The following HHIPL2 variants were observed in gnomAD, a reference collection of about 807,000 sequenced individuals.
HHIPL2 encodes HHIP-like protein 2.
HHIPL2 carries 61 observed loss-of-function variants against 61.0 expected under a neutral mutation model. The ratio of observed to expected loss-of-function variants is 1.00; its 90% CI spans 0.81 to 1.24. The LOEUF is 1.24. Among genes scored for constraint, HHIPL2 ranks in the 50% most tolerant of loss-of-function variants. HHIPL2 has a pLI of 0.00. For synonymous variants in HHIPL2, 343 were observed against 357.4 expected (o/e 0.96, Z 0.45); for missense variants, 885 against 910.2 (o/e 0.97, Z 0.36).
intron 8 of HHIPL2, among the ~76,000 whole-genome samples, chr1:222,523,347 A>G (rs981922178): frequency 3.3e-5 from 5 of 152,238 alleles, no homozygotes; most frequent in Non-Finnish European, 7.3e-5. Flanking sequence ...TATGAAATGA[A>G]TGATGCCAAA....
chr1:222,544,191 T>C lies in HHIPL2; in HGVS notation c.322-2A>G, dbSNP rs1049335493. ...GTGGGCTGCGTAGGGCGAGCACTCC[T>C]AAAAAAGAACGCGGAGCTCAGGCTC... On this transcript the variant is annotated splice_acceptor_variant, in intron 1 of 8. Transcript: ENST00000343410. LOFTEE classifies it high-confidence loss of function. 2 of 1,606,672 alleles carry C rather than the reference T, an allele frequency of 1.2e-6. No individual in the cohort carries two copies. Among genetic ancestry groups the C allele is most frequent in the South Asian group, 1.1e-5 (1 of 90,958 alleles).
chr1:222,542,114 C>A lies in HHIPL2; in HGVS notation c.1016G>T (p.Gly339Val). ...ATCCAGGCCAAAAAGAAGTTGTCCGCCATTATGGTTTGAGGCTGGTTCTTC... is the reference window on the plus strand; with the variant it reads ...ATCCAGGCCAAAAAGAAGTTGTCCGACATTATGGTTTGAGGCTGGTTCTTC... ...EIEEPASNHN[G>V]GQLLFGLDGY... Residue 339 changes from glycine to valine, a missense_variant, in exon 3 of 9, where the codon GGC (glycine) becomes GTC (valine). Coordinates refer to ENST00000343410, the MANE Select transcript of HHIPL2 (RefSeq NM_024746.4). 6.2e-7 allele frequency: 1 copy of A among 1,613,956 alleles called. No individual in the cohort carries two copies. Among genetic ancestry groups the A allele is most frequent in the Non-Finnish European group, 8.5e-7 (1 of 1,179,994 alleles).
At chr1:222,529,938 A>T (rs1659152973) in intron 6 of HHIPL2, among the ~76,000 whole-genome samples, 1 of 152,246 alleles carries the variant, frequency 6.6e-6, no homozygotes, top group African/African-American at 2.4e-5. Flanking sequence ...CTCAGATCTA[A>T]AAATGCCTCT....
chr1:222,532,615 C>CAAAA (rs34544375), intron 5 of HHIPL2, among the ~76,000 whole-genome samples: 12 of 137,770 alleles, frequency 8.7e-5, no homozygotes, highest in African/African-American at 2.1e-4. Flanking sequence ...GACTTTGTCT[C>CAAAA]AAAAAAAAAA....
intron 5 of HHIPL2, among the ~76,000 whole-genome samples, chr1:222,534,049 A>G (rs1483168367): frequency 1.3e-5 from 2 of 152,254 alleles, no homozygotes; most frequent in Non-Finnish European, 2.9e-5. Flanking sequence ...TAGCATAAGT[A>G]CCACAGGGTA....
In HHIPL2 at chr1:222,544,153, C is replaced by T. The variant is rs903799033; in HGVS notation, c.358G>A (p.Glu120Lys). 24 of 1,613,376 alleles carry T rather than the reference C, an allele frequency of 1.5e-5. No individual in the cohort carries two copies. Among genetic ancestry groups the T allele is most frequent in the Non-Finnish European group, 1.9e-5 (22 of 1,180,026 alleles). Residue 120 changes from glutamate to lysine, a missense_variant, in exon 2 of 9, where the codon GAA becomes AAA. Glu to Lys is a moderately conservative substitution (Grantham distance 56). Transcript: ENST00000343410. Reference protein sequence around the residue: ...SPYAAHLYDAENTQTPLRNLP... With the variant: ...SPYAAHLYDAKNTQTPLRNLP... ...TTCCGGAGAGGCGTCTGGGTGTTTT[C>T]GGCGTCGTAGAGGTGGGCTGCGTAG...
chr1:222,527,245 A>AC (rs1447148965), intron 6 of HHIPL2, among the ~76,000 whole-genome samples, 195 bp from the exon 7 acceptor site: 4 of 151,960 alleles, frequency 2.6e-5, no homozygotes, highest in Non-Finnish European at 4.4e-5. Context: ...CCATCTTTGA[A>AC]CCCCCCAAAG....
At chr1:222,530,736 A>AT (rs1659169576) in intron 6 of HHIPL2, among the ~76,000 whole-genome samples, 2 of 130,914 alleles carry the variant, frequency 1.5e-5, no homozygotes, top group Admixed American at 1.6e-4. Flanking sequence ...TTTTTTTTAA[A>AT]TTTTTTCTTT....
chr1:222,544,260 AAGC>A, intron 1 of HHIPL2, 71 bp from the exon 2 acceptor site: 1 of 1,494,714 alleles, frequency 6.7e-7, no homozygotes. Context: ...AGTTTTGAGC[AAGC>A]AGAAAGAAAA....
chr1:222,522,836 G>C lies in HHIPL2; in HGVS notation c.1940C>G (p.Ser647Cys). 6.2e-7 allele frequency: 1 copy of C among 1,614,204 alleles called. No homozygotes were observed. The highest frequency in any genetic ancestry group is 8.5e-7 in the Non-Finnish European group (1 of 1,180,032). ...GCCAGAAGCTAAGGTTGCACTGGAA[G>C]ATTTTCTAGCAGCTTTCTCTGATTG... Reference protein sequence around the residue: ...KEQSEKAARKSSSATLASGPA... With the variant: ...KEQSEKAARKCSSATLASGPA... Residue 647 changes from serine (S) to cysteine (C), a missense_variant, in exon 9 of 9, where the codon TCT (serine) becomes TGT (cysteine). Ser to Cys is a moderately radical substitution (Grantham distance 112). Coordinates refer to ENST00000343410, the MANE Select transcript of HHIPL2 (RefSeq NM_024746.4).
chr1:222,543,822 T>G lies in HHIPL2; in HGVS notation c.689A>C (p.His230Pro). 6.2e-7 allele frequency: 1 copy of G among 1,614,006 alleles called. No homozygotes were observed. The highest frequency in any genetic ancestry group is 8.5e-7 in the Non-Finnish European group (1 of 1,179,990). ...TACCTGCTCGGCAACAAAGAAGCGA[T>G]GGGTGCCGTCCCCAGCATGGACCAT... ...VSMVHAGDGT[H>P]RFFVAEQVGV... The change falls in exon 2 of 9, where the codon CAT (histidine) becomes CCT (proline). Residue 230 changes from histidine to proline, a missense_variant. Physicochemically the swap from His to Pro is moderately conservative, Grantham distance 77. Transcript: ENST00000343410.
chr1:222,540,427 T>C, intron 3 of HHIPL2, 86 bp from the exon 4 acceptor site: 1 of 1,047,908 alleles, frequency 9.5e-7, no homozygotes, highest in South Asian at 1.6e-5. Context: ...GGCCGACTCA[T>C]AGCTGATGCC....
intron 3 of HHIPL2, 57 bp from the exon 4 acceptor site, chr1:222,540,398 G>T: frequency 6.9e-7 from 1 of 1,446,830 alleles, no homozygotes. Context: ...CCACAGGACT[G>T]GAAGAGATCG....
chr1:222,544,510 T>C (rs538543638), intron 1 of HHIPL2, among the ~76,000 whole-genome samples: 1 of 152,292 alleles, frequency 6.6e-6, no homozygotes, highest in East Asian at 1.9e-4. Context: ...TAGATCTCTT[T>C]CTTATTTTTT....
intron 6 of HHIPL2, among the ~76,000 whole-genome samples, chr1:222,530,101 C>T (rs1659157209): frequency 6.6e-6 from 1 of 152,082 alleles, no homozygotes; most frequent in African/African-American, 2.4e-5. Context: ...AACACGTTGG[C>T]AAGTCTACCC....
Position 222,538,195 on chromosome 1 carries a change from G to GGTGTGTGTGTGT in HHIPL2, c.1577+441_1577+452dup, listed in dbSNP as rs373452655. Among the ~76,000 whole-genome samples the GGTGTGTGTGTGT allele has an allele frequency of 9.5e-3, 1,298 of 136,262 alleles. 19 individuals are homozygous for GGTGTGTGTGTGT. Among genetic ancestry groups the GGTGTGTGTGTGT allele is most frequent in the Non-Finnish European group, 0.013 (790 of 63,176 alleles). The allele number at this position is 136,262 out of a possible 152,430, so 89.4% of individuals were successfully genotyped here. A position where few individuals can be genotyped will look rare whatever the true frequency, so the allele number is the denominator to read the frequency against. ...GGTGAGAGTGCTTATCTCTGGCTGG[G>GGTGTGTGTGTGT]GTGTGTGTGTGTGTGTGTGTGTGTG... On this transcript the variant is annotated intron_variant, in intron 5 of 8. Coordinates refer to ENST00000343410, the MANE Select transcript of HHIPL2 (RefSeq NM_024746.4).
chr1:222,538,198 G>GTGTC (rs1558130074), intron 5 of HHIPL2, among the ~76,000 whole-genome samples: 3 of 34,272 alleles, frequency 8.8e-5, no homozygotes, highest in Non-Finnish European at 1.5e-4. Context: ...TGGCTGGGGT[G>GTGTC]TGTGTGTGTG....
intron 6 of HHIPL2, among the ~76,000 whole-genome samples, chr1:222,527,399 G>A (rs542724434): frequency 5.9e-5 from 9 of 152,200 alleles, no homozygotes; most frequent in African/African-American, 1.9e-4. Flanking sequence ...TCTTTCCTCT[G>A]TGAACACTTG....
Position 222,547,886 on chromosome 1 carries a change from C to T in HHIPL2, c.159G>A (p.Gln53=). 6.2e-7 allele frequency: 1 copy of T among 1,614,106 alleles called. No individual in the cohort carries two copies. Among genetic ancestry groups the T allele is most frequent in the Non-Finnish European group, 8.5e-7 (1 of 1,179,986 alleles). ...AGCAAAACTCAAGGTGCAGAGGGGG[C>T]TGGAAAGGGGGCCCGTAATCCAGGC... ...PQCLDYGPPF[Q]PPLHLEFCSD... Residue 53 remains glutamine (Q), a synonymous_variant, in exon 1 of 9, where the codon CAG becomes CAA. Coordinates refer to ENST00000343410, the MANE Select transcript of HHIPL2 (RefSeq NM_024746.4).
Sources: gnomAD v4.1 joint callset for allele counts (sites outside exome capture counted in the v4.1 genomes callset) on GRCh38, gnomAD v4.1.1 for gene constraint, MANE v1.5 for transcripts, NCBI Gene and HGNC (gene_info 2026-07-23, HGNC 2026-07-21) for gene names.